The following ZNRF3 variants were observed in gnomAD, a reference collection of about 807,000 sequenced individuals.
The protein encoded by ZNRF3 is E3 ubiquitin-protein ligase ZNRF3.
Under a neutral mutation model 72.5 loss-of-function variants are expected in ZNRF3, and 23 were observed. The ratio of observed to expected loss-of-function variants is 0.32; its 90% CI spans 0.23 to 0.45. The LOEUF is 0.45. Ranked by LOEUF, ZNRF3 falls within the 20% of genes least tolerant of loss-of-function variation. ZNRF3 has a pLI of 1.00. For synonymous variants in ZNRF3, 610 were observed against 545.3 expected (o/e 1.12, Z -1.65); for missense variants, 1,169 against 1,272.1 (o/e 0.92, Z 1.23).
At chr22:28,905,594 C>T (rs1196236175) in intron 1 of ZNRF3, among the ~76,000 whole-genome samples, 7 of 152,158 alleles carry the variant, frequency 4.6e-5, no homozygotes. Flanking sequence ...CCAGCTTGGC[C>T]TCTGGGTAAA....
intron 2 of ZNRF3, among the ~76,000 whole-genome samples, chr22:29,036,605 G>T (rs116572218): frequency 1.4e-3 from 218 of 152,282 alleles, no homozygotes; most frequent in African/African-American, 5.0e-3. Flanking sequence ...ATGCAGCCAA[G>T]TAAGAATTGG....
At chr22:29,038,242 A>C (rs2036899145) in intron 2 of ZNRF3, among the ~76,000 whole-genome samples, 1 of 152,018 alleles carries the variant, frequency 6.6e-6, no homozygotes, top group Non-Finnish European at 1.5e-5. Context: ...ATGGTGAATG[A>C]TCTGTGAGAG....
At chr22:29,016,150 G>C (rs1434046405) in intron 2 of ZNRF3, among the ~76,000 whole-genome samples, 1 of 152,096 alleles carries the variant, frequency 6.6e-6, no homozygotes, top group African/African-American at 2.4e-5. Context: ...GAAGGTTGTT[G>C]TCATAGTTCA....
At chr22:28,925,587 G>T (rs927409845) in intron 1 of ZNRF3, among the ~76,000 whole-genome samples, 1 of 152,118 alleles carries the variant, frequency 6.6e-6, no homozygotes, top group African/African-American at 2.4e-5. Flanking sequence ...TTTCAAGCAT[G>T]CAGGAAAAGT....
At chr22:28,885,037 T>C (rs1361249061) in intron 1 of ZNRF3, among the ~76,000 whole-genome samples, 1 of 152,238 alleles carries the variant, frequency 6.6e-6, no homozygotes, top group East Asian at 1.9e-4. Context: ...AAAGGTTGGC[T>C]TGTCTTTGAA....
chr22:28,927,157 G>A (rs1010243852), intron 1 of ZNRF3, among the ~76,000 whole-genome samples: 17 of 152,012 alleles, frequency 1.1e-4, no homozygotes, highest in African/African-American at 4.1e-4. Flanking sequence ...GATTATCAAT[G>A]TAAACTTGAG....
rs113063808 is a variant in ZNRF3 at position 29,057,072 on chromosome 22, A to G, written c.*3450A>G. ...ATTTTAAAATTTTTTAATTTTTCCC[A>G]TAGCACTTAAAAGAGATTTTGTAAA... On this transcript the variant is annotated 3_prime_UTR_variant, in exon 9 of 9. Coordinates refer to ENST00000544604, the MANE Select transcript of ZNRF3 (RefSeq NM_001206998.2). The G allele has an allele frequency of 2.0e-5, 3 of 152,296 alleles. No homozygotes were observed. The highest frequency in any genetic ancestry group is 2.9e-5 in the Non-Finnish European group (2 of 68,022). The allele number at this position is 152,296 out of a possible 1,614,324, so 9.4% of individuals were successfully genotyped here. A position where few individuals can be genotyped will look rare whatever the true frequency, so the allele number is the denominator to read the frequency against.
intron 2 of ZNRF3, among the ~76,000 whole-genome samples, chr22:29,007,570 G>A (rs1019409493): frequency 1.6e-4 from 25 of 151,936 alleles, no homozygotes; most frequent in Non-Finnish European, 2.6e-4. Flanking sequence ...TGAGGCTGCA[G>A]TGAGCTGAGC....
intron 2 of ZNRF3, among the ~76,000 whole-genome samples, chr22:29,040,039 CCT>C (rs1159331270): frequency 6.6e-6 from 1 of 152,122 alleles, no homozygotes; most frequent in African/African-American, 2.4e-5. Flanking sequence ...TCATCAGCAT[CCT>C]CTCTTCCTGG....
chr22:29,022,098 T>C (rs2036552274), intron 2 of ZNRF3, among the ~76,000 whole-genome samples: 1 of 152,262 alleles, frequency 6.6e-6, no homozygotes, highest in African/African-American at 2.4e-5. Context: ...AATGGAATCA[T>C]GCAGTATATA....
Position 29,050,332 on chromosome 22 carries a change from G to A in ZNRF3, c.2151G>A (p.Gln717=), listed in dbSNP as rs755969921. The A allele has an allele frequency of 6.9e-6, 11 of 1,601,310 alleles. No individual in the cohort carries two copies. The East Asian group carries it at 1.6e-4, about 23-fold the overall frequency. The change falls in exon 8 of 9, where the codon CAG becomes CAA. Residue 717 remains glutamine, a synonymous_variant. Coordinates refer to ENST00000544604, the MANE Select transcript of ZNRF3 (RefSeq NM_001206998.2). ...LPSCACCCEP[Q]PSPAGPSAGA... is the part of the protein sequence containing the mutation. Reference sequence around the variant, plus strand: ...CGTGTGCCTGCTGCTGCGAGCCCCAGCCCTCCCCAGCCGGGCCTAGCGCCG... The same window carrying A: ...CGTGTGCCTGCTGCTGCGAGCCCCAACCCTCCCCAGCCGGGCCTAGCGCCG...
Position 29,053,875 on chromosome 22 carries a change from AGT to A in ZNRF3, c.*261_*262del, listed in dbSNP as rs945304944. ...GATAACATGTTGTTCTGTTTTGTAA[AGT>A]GTGTGTGCTTGGGGTTCCGAGGTGT... On this transcript the variant is annotated 3_prime_UTR_variant, in exon 9 of 9. Transcript: ENST00000544604. 5.9e-5 allele frequency: 22 copies of A among 374,568 alleles called. No individual in the cohort carries two copies. The highest frequency in any genetic ancestry group is 1.4e-3 in the Middle Eastern group (2 of 1,386). 23.2% of individuals were successfully genotyped at this position (374,568 alleles called of 1,614,324 possible).
chr22:28,903,330 G>A (rs2034144339), intron 1 of ZNRF3, among the ~76,000 whole-genome samples: 1 of 152,166 alleles, frequency 6.6e-6, no homozygotes, highest in African/African-American at 2.4e-5. Flanking sequence ...TCCGAGGAAA[G>A]GAGGGTGCTG....
intron 1 of ZNRF3, among the ~76,000 whole-genome samples, chr22:28,939,155 G>C (rs555978023): frequency 3.3e-5 from 5 of 152,122 alleles, no homozygotes; most frequent in Non-Finnish European, 7.4e-5. Context: ...ATAGTGGTAT[G>C]TGCCTGTAAT....
intron 1 of ZNRF3, among the ~76,000 whole-genome samples, chr22:28,954,683 C>T (rs549685238): frequency 3.3e-5 from 5 of 152,192 alleles, no homozygotes; most frequent in Admixed American, 6.5e-5. Context: ...GGCTGGAGTG[C>T]AGTCCATGAC....
intron 1 of ZNRF3, among the ~76,000 whole-genome samples, chr22:28,939,125 T>A (rs75891730): frequency 0.028 from 4,273 of 152,038 alleles, 210 homozygotes; most frequent in African/African-American, 0.099. Flanking sequence ...TCTTTACTAA[T>A]AATACCAAAA....
At chr22:28,947,444 A>G (rs527511972) in intron 1 of ZNRF3, among the ~76,000 whole-genome samples, 23 of 152,350 alleles carry the variant, frequency 1.5e-4, no homozygotes, top group African/African-American at 4.8e-4. Context: ...GTTTTCCAAC[A>G]TATCTATACC....
rs189875565 is a variant in ZNRF3 at position 29,011,294 on chromosome 22, G to A, written c.426+24093G>A. On this transcript the variant is annotated intron_variant, in intron 2 of 8. Coordinates refer to ENST00000544604, the MANE Select transcript of ZNRF3 (RefSeq NM_001206998.2). ...ACAAAAGGTGCCCTAGGCTGGCTGC[G>A]GGGGTCCAGCAGGCTGGCTACATTA... Among the ~76,000 whole-genome samples, 113 of 152,230 alleles carry A rather than the reference G, an allele frequency of 7.4e-4. 2 individuals are homozygous for A. The highest frequency in any genetic ancestry group is 1.6e-3 in the Admixed American group (24 of 15,288).
At chr22:28,978,281 G>T (rs1012052003) in intron 1 of ZNRF3, among the ~76,000 whole-genome samples, 9 of 152,262 alleles carry the variant, frequency 5.9e-5, no homozygotes, top group African/African-American at 1.9e-4. Context: ...CAATCACCCT[G>T]GTTATTGTGT....
Sources: gnomAD v4.1 joint callset for allele counts (sites outside exome capture counted in the v4.1 genomes callset) on GRCh38, gnomAD v4.1.1 for gene constraint, MANE v1.5 for transcripts, NCBI Gene and HGNC (gene_info 2026-07-23, HGNC 2026-07-21) for gene names.